PPP1R17: variants seen among roughly 807,000 people sequenced by gnomAD.
The protein encoded by PPP1R17 is protein phosphatase 1 regulatory subunit 17.
PPP1R17 carries 12 observed loss-of-function variants against 15.9 expected under a neutral mutation model. That is an observed-to-expected ratio of 0.75 (90% CI 0.48 to 1.22). The LOEUF (loss-of-function observed/expected upper bound fraction) is 1.22, where lower values mean the gene tolerates loss of function less well. PPP1R17 is among the 50% of genes most tolerant of loss of function. The probability of loss-of-function intolerance (pLI) is 0.00; values close to 1 mark genes in which losing one functional copy is unlikely to be tolerated. For synonymous variants in PPP1R17, 63 were observed against 64.5 expected (o/e 0.98, Z 0.11); for missense variants, 211 against 187.3 (o/e 1.13, Z -0.74).
intron 4 of PPP1R17, among the ~76,000 whole-genome samples, chr7:31,704,943 C>T (rs1281597557): frequency 6.6e-6 from 1 of 152,162 alleles, no homozygotes; most frequent in Non-Finnish European, 1.5e-5. Flanking sequence ...AACAAGAATG[C>T]AGTCGTGACA....
At chr7:31,690,870 A>C (rs938294092) in intron 1 of PPP1R17, among the ~76,000 whole-genome samples, 46 of 152,196 alleles carry the variant, frequency 3.0e-4, no homozygotes, top group African/African-American at 1.0e-3. Flanking sequence ...TGAGGAATGA[A>C]TATTTTCAAC....
At chr7:31,702,165 T>C (rs530742522) in intron 4 of PPP1R17, among the ~76,000 whole-genome samples, 109 of 152,238 alleles carry the variant, frequency 7.2e-4, no homozygotes, top group African/African-American at 2.5e-3. Flanking sequence ...AATTCTGCCT[T>C]AGAATTGTGA....
chr7:31,697,615 G>A (rs993784521), intron 4 of PPP1R17, among the ~76,000 whole-genome samples: 3 of 151,920 alleles, frequency 2.0e-5, no homozygotes, highest in Non-Finnish European at 4.4e-5. Context: ...TAAAGGAGCT[G>A]CTCTGTGAGA....
In PPP1R17 at chr7:31,708,210, G is replaced by A. The variant is rs1022537991; in HGVS notation, c.*927G>A. ...AGGTCTGTATATTGTCCTTGCCCCA[G>A]CCTGCAATCTGTGGATGCCCAGGGG... is the stretch of plus-strand genomic sequence containing the variant. On this transcript the variant is annotated 3_prime_UTR_variant, in exon 5 of 5. Coordinates refer to ENST00000342032, the MANE Select transcript of PPP1R17 (RefSeq NM_006658.5). 6.6e-6 allele frequency: 1 copy of A among 152,222 alleles called. No homozygotes were observed. Among genetic ancestry groups the A allele is most frequent in the African/African-American group, 2.4e-5 (1 of 41,448 alleles). The allele number at this position is 152,222 out of a possible 1,614,324, so 9.4% of individuals were successfully genotyped here. A position where few individuals can be genotyped will look rare whatever the true frequency, so the allele number is the denominator to read the frequency against.
intron 3 of PPP1R17, 43 bp from the exon 4 acceptor site, chr7:31,696,922 T>C: frequency 6.3e-7 from 1 of 1,597,210 alleles, no homozygotes; most frequent in South Asian, 1.1e-5. Context: ...TTAGGATATA[T>C]GTATTTGATC....
At chr7:31,696,558 G>A (rs1031583189) in intron 3 of PPP1R17, among the ~76,000 whole-genome samples, 4 of 152,158 alleles carry the variant, frequency 2.6e-5, no homozygotes, top group Non-Finnish European at 4.4e-5. Flanking sequence ...GTGTGCAGAC[G>A]CAGCTTGCAA....
At chr7:31,695,829 A>AT (rs58334230) in intron 3 of PPP1R17, 17 of 394,936 alleles carry the variant, frequency 4.3e-5, no homozygotes, top group South Asian at 8.6e-5. Context: ...ATAAAAGTTT[A>AT]TTTTTTTTAC....
intron 4 of PPP1R17, among the ~76,000 whole-genome samples, chr7:31,706,672 G>T (rs796835567): frequency 7.2e-5 from 11 of 152,280 alleles, no homozygotes; most frequent in African/African-American, 2.6e-4. Flanking sequence ...AGGCTTACCA[G>T]TTCTTTTCCA....
chr7:31,689,181 C>T (rs1005004094), intron 1 of PPP1R17, among the ~76,000 whole-genome samples: 8 of 152,152 alleles, frequency 5.3e-5, no homozygotes, highest in African/African-American at 1.7e-4. Flanking sequence ...TGGCAGTCCA[C>T]GTCCCTGTGT....
chr7:31,706,154 G>A (rs1181701892), intron 4 of PPP1R17, among the ~76,000 whole-genome samples: 3 of 151,484 alleles, frequency 2.0e-5, no homozygotes, highest in East Asian at 1.9e-4. Flanking sequence ...ACAGGTGCCC[G>A]CCACCATGCC....
At chr7:31,701,421 C>T (rs34179) in intron 4 of PPP1R17, among the ~76,000 whole-genome samples, 47,307 of 152,050 alleles carry the variant, frequency 0.31, 7,966 homozygotes, top group East Asian at 0.61. Flanking sequence ...AGAGTTGCTT[C>T]TGATAGATCA....
chr7:31,696,913 T>C, intron 3 of PPP1R17, 52 bp from the exon 4 acceptor site: 1 of 1,549,412 alleles, frequency 6.5e-7, no homozygotes, highest in Non-Finnish European at 8.8e-7. Context: ...CCTCATATAT[T>C]AGGATATATG....
intron 2 of PPP1R17, among the ~76,000 whole-genome samples, chr7:31,693,354 A>G (rs1792438194): frequency 6.6e-6 from 1 of 152,192 alleles, no homozygotes; most frequent in African/African-American, 2.4e-5. Flanking sequence ...TTTATTCAAC[A>G]CATGACTATG....
At position 31,700,359 on chromosome 7, in the gene PPP1R17, C is replaced by A. The variant is rs577132643; in HGVS notation, c.388+3242C>A. On this transcript the variant is annotated intron_variant, in intron 4 of 4. Transcript: ENST00000342032. ...CCTTAAGCCAAAGCCTAATCCAGAA[C>A]AAGGTCCTTACTCTCTTCAGTTATA... 1.1e-4 allele frequency among the ~76,000 whole-genome samples: 16 copies of A among 152,284 alleles called. No homozygotes were observed. In the South Asian group the frequency reaches 3.1e-3, roughly 30 times the overall value.
chr7:31,706,073 C>T (rs1793059346), intron 4 of PPP1R17, among the ~76,000 whole-genome samples: 3 of 126,150 alleles, frequency 2.4e-5, no homozygotes, highest in Admixed American at 1.1e-4. Context: ...GGTGTAATCT[C>T]GGCTTGCTGC....
intron 4 of PPP1R17, among the ~76,000 whole-genome samples, chr7:31,699,364 G>A (rs1048472794): frequency 6.6e-5 from 10 of 152,116 alleles, no homozygotes; most frequent in South Asian, 4.2e-4. Flanking sequence ...AAGCTAGCAC[G>A]GTCTCCCGTG....
chr7:31,690,020 A>C (rs1051832312), intron 1 of PPP1R17, among the ~76,000 whole-genome samples: 2 of 152,142 alleles, frequency 1.3e-5, no homozygotes, highest in Non-Finnish European at 2.9e-5. Flanking sequence ...TTTGTGACGA[A>C]TCACTGCTTT....
intron 1 of PPP1R17, 102 bp from the exon 2 acceptor site, chr7:31,692,304 G>T: frequency 1.5e-6 from 1 of 663,678 alleles, no homozygotes. Context: ...ATTGGATTGG[G>T]AACACAATAG....
Position 31,707,363 on chromosome 7 carries a change from T to C in PPP1R17, c.*80T>C. The C allele has an allele frequency of 8.2e-7, 1 of 1,226,610 alleles. No individual in the cohort carries two copies. Among genetic ancestry groups the C allele is most frequent in the Non-Finnish European group, 1.2e-6 (1 of 868,194 alleles). The allele number at this position is 1,226,610 out of a possible 1,614,324, so 76.0% of individuals were successfully genotyped here. ...CCTAGAGAAAAAATAGACTTGTTTC[T>C]GCTCTCATTTTTGTCATCGTCTGAC... On this transcript the variant is annotated 3_prime_UTR_variant, in exon 5 of 5. Coordinates refer to ENST00000342032, the MANE Select transcript of PPP1R17 (RefSeq NM_006658.5).
Sources: allele counts gnomAD v4.1 joint callset (sites outside exome capture counted in the v4.1 genomes callset), GRCh38; gene constraint gnomAD v4.1.1; transcripts MANE v1.5; gene names NCBI Gene and HGNC (gene_info 2026-07-23, HGNC 2026-07-21).